CFAP97D1: variants seen among roughly 807,000 people sequenced by gnomAD.
CFAP97D1 encodes the protein CFAP97 domain containing 1.
In CFAP97D1, 15 loss-of-function variants were observed where a neutral mutation model predicts 20.5. That is an observed-to-expected ratio of 0.73 (90% CI 0.49 to 1.13). CFAP97D1 has a LOEUF of 1.13. Ranked by LOEUF, CFAP97D1 falls within the 50% of genes most tolerant of loss-of-function variation. CFAP97D1 has a pLI of 0.00. For synonymous variants in CFAP97D1, 58 were observed against 71.2 expected (o/e 0.82, Z 0.93); for missense variants, 168 against 202.9 (o/e 0.83, Z 1.04).
Position 43,783,847 on chromosome 17 carries a change from G to C in CFAP97D1, c.449G>C (p.Arg150Pro). The change falls in exon 5 of 6, where the codon CGC (arginine) becomes CCC (proline). Residue 150 changes from arginine to proline, a missense_variant. Coordinates refer to ENST00000449302, the MANE Select transcript of CFAP97D1 (RefSeq NM_001136483.3). ...TTTTTTTCCTTCAAGAATTCAAGGC[G>C]CTATATCAGAAATACCACGAGATAT... ...ASEIDWQNSR[R>P]YIRNTTRYLL... 1 of 1,549,910 alleles carries C rather than the reference G, an allele frequency of 6.5e-7. No homozygotes were observed. Among genetic ancestry groups the C allele is most frequent in the Non-Finnish European group, 8.7e-7 (1 of 1,146,548 alleles).
At position 43,784,512 on chromosome 17, in the gene CFAP97D1, G is replaced by T. The variant is rs543014121; in HGVS notation, c.*130G>T. On this transcript the variant is annotated 3_prime_UTR_variant, in exon 6 of 6. Transcript: ENST00000449302. ...CAATAAAGCTTGGAACATAAAATGC[G>T]TAAGTTACATTTAGGGGACCCAAAG... is the stretch of plus-strand genomic sequence containing the variant. 12 of 152,280 alleles carry T rather than the reference G, an allele frequency of 7.9e-5. No homozygotes were observed. The East Asian group carries it at 2.3e-3, about 29-fold the overall frequency. The allele number at this position is 152,280 out of a possible 1,614,324, so 9.4% of individuals were successfully genotyped here. A position where few individuals can be genotyped will look rare whatever the true frequency, so the allele number is the denominator to read the frequency against.
rs769288324 is a variant in CFAP97D1, at chr17:43,781,848, C to T, written c.270C>T (p.Arg90=). 81 of 1,551,216 alleles carry T rather than the reference C, an allele frequency of 5.2e-5. No individual in the cohort carries two copies. The highest frequency in any genetic ancestry group is 1.7e-4 in the Middle Eastern group (1 of 6,012). ...GTCAGAAAATCGCAAATGCCCATCG[C>T]GGCCCTGCCAAGGTGGATTGCTGGA... ...QLCQKIANAH[R]GPAKVDCWNE... is the part of the protein sequence containing the mutation. The change falls in exon 3 of 6, where the codon CGC becomes CGT. Residue 90 remains arginine (R), a synonymous_variant. Coordinates refer to ENST00000449302, the MANE Select transcript of CFAP97D1 (RefSeq NM_001136483.3).
chr17:43,780,714 G>T, intron 1 of CFAP97D1, 128 bp downstream of exon 1: 6 of 1,025,638 alleles, frequency 5.9e-6, no homozygotes, highest in Non-Finnish European at 8.5e-6. Flanking sequence ...TGAGTTTGGG[G>T]AAGAGGGCAT....
In CFAP97D1 at chr17:43,785,834, T is replaced by A. The variant is rs995990038; in HGVS notation, c.*1452T>A. The A allele has an allele frequency of 6.6e-6, 1 of 151,610 alleles. No homozygotes were observed. Among genetic ancestry groups the A allele is most frequent in the African/African-American group, 2.4e-5 (1 of 41,198 alleles). 9.4% of individuals were successfully genotyped at this position (151,610 alleles called of 1,614,324 possible). The stretch of plus-strand genomic sequence containing the variant: ...AACTGACATGGCACACTAGTGGGAG[T>A]GTCTTATGGAAAGCTGCTTCCACCC... On this transcript the variant is annotated 3_prime_UTR_variant, in exon 6 of 6. Transcript: ENST00000449302.
chr17:43,783,961 G>A (rs1974500901), intron 5 of CFAP97D1, 68 bp downstream of exon 5: 1 of 1,207,398 alleles, frequency 8.3e-7, no homozygotes, highest in East Asian at 2.6e-5. Flanking sequence ...CCCCATAAAT[G>A]GCGAATGAGG....
At chr17:43,783,409 T>C in intron 4 of CFAP97D1, 106 bp downstream of exon 4, 2 of 1,383,708 alleles carry the variant, frequency 1.4e-6, no homozygotes, top group Non-Finnish European at 2.0e-6. Flanking sequence ...TCAGATCACA[T>C]GAAATGTAAC....
In CFAP97D1 at chr17:43,785,802, A is replaced by T. The variant is rs1413591866; in HGVS notation, c.*1420A>T. The T allele has an allele frequency of 6.6e-6, 1 of 151,826 alleles. No individual in the cohort carries two copies. Among genetic ancestry groups the T allele is most frequent in the Non-Finnish European group, 1.5e-5 (1 of 67,798 alleles). 9.4% of individuals were successfully genotyped at this position (151,826 alleles called of 1,614,324 possible). A position where few individuals can be genotyped will look rare whatever the true frequency, so the allele number is the denominator to read the frequency against. ...GGTAACTCCTAGGTGTTGCTACGGT[A>T]ATGGTAAACTGACATGGCACACTAG... On this transcript the variant is annotated 3_prime_UTR_variant, in exon 6 of 6. Coordinates refer to ENST00000449302, the MANE Select transcript of CFAP97D1 (RefSeq NM_001136483.3).
rs1974478796 is a variant in CFAP97D1 at position 43,781,886 on chromosome 17, C to G, written c.308C>G (p.Ser103Cys). The change falls in exon 3 of 6, where the codon TCC becomes TGC. Residue 103 changes from serine to cysteine, a missense_variant. Ser to Cys is a moderately radical substitution (Grantham distance 112, BLOSUM62 -1). Coordinates refer to ENST00000449302, the MANE Select transcript of CFAP97D1 (RefSeq NM_001136483.3). Reference protein sequence around the residue: ...AKVDCWNEYFSKSLNRETRNR... With the variant: ...AKVDCWNEYFCKSLNRETRNR... ...GTGGATTGCTGGAATGAATATTTTT[C>G]CAAGAGGTAATGTTCTTTGTCTTCA... The G allele has an allele frequency of 6.5e-7, 1 of 1,542,902 alleles. No homozygotes were observed. Among genetic ancestry groups the G allele is most frequent in the Non-Finnish European group, 8.8e-7 (1 of 1,138,986 alleles).
Position 43,784,608 on chromosome 17 carries a change from T to C in CFAP97D1, c.*226T>C, listed in dbSNP as rs983372590. On this transcript the variant is annotated 3_prime_UTR_variant, in exon 6 of 6. Transcript: ENST00000449302. ...CAATGAGCATTTTTATTTGGGGCTATGAAAAGAAGTTTTAACGAGAGAGAG... is the reference window on the plus strand; with the variant it reads ...CAATGAGCATTTTTATTTGGGGCTACGAAAAGAAGTTTTAACGAGAGAGAG... 6.6e-6 allele frequency: 1 copy of C among 152,124 alleles called. No individual in the cohort carries two copies. Among genetic ancestry groups the C allele is most frequent in the South Asian group, 2.1e-4 (1 of 4,834 alleles). The allele number at this position is 152,124 out of a possible 1,614,324, so 9.4% of individuals were successfully genotyped here.
chr17:43,784,556 A>C lies in CFAP97D1; in HGVS notation c.*174A>C, dbSNP rs973071488. Reference sequence around the variant, plus strand: ...CCCAAAGGCTTTATGTTCTCATTCCAAAATGGGGCAGGCAGAAGGAAAGAT... The same window carrying C: ...CCCAAAGGCTTTATGTTCTCATTCCCAAATGGGGCAGGCAGAAGGAAAGAT... On this transcript the variant is annotated 3_prime_UTR_variant, in exon 6 of 6. Coordinates refer to ENST00000449302, the MANE Select transcript of CFAP97D1 (RefSeq NM_001136483.3). The C allele has an allele frequency of 1.3e-5, 2 of 152,232 alleles. No homozygotes were observed. Among genetic ancestry groups the C allele is most frequent in the Admixed American group, 6.5e-5 (1 of 15,278 alleles). The allele number at this position is 152,232 out of a possible 1,614,324, so 9.4% of individuals were successfully genotyped here. A position where few individuals can be genotyped will look rare whatever the true frequency, so the allele number is the denominator to read the frequency against.
chr17:43,783,215 G>T lies in CFAP97D1; in HGVS notation c.350G>T (p.Arg117Ile), dbSNP rs1470233635. The T allele has an allele frequency of 3.9e-6, 6 of 1,551,386 alleles. No individual in the cohort carries two copies. In the Admixed American group the frequency reaches 5.9e-5, roughly 15 times the overall value. ...GAAACAAGGAACCGCGAGCTAGTGA[G>T]AATCACCATGGAAAACCAGGGCATT... ...NRETRNRELV[R>I]ITMENQGILK... The change falls in exon 4 of 6, where the codon AGA becomes ATA. Residue 117 changes from arginine to isoleucine, a missense_variant. Coordinates refer to ENST00000449302, the MANE Select transcript of CFAP97D1 (RefSeq NM_001136483.3).
chr17:43,781,517 A>G (rs1974473505), intron 2 of CFAP97D1, among the ~76,000 whole-genome samples: 1 of 152,114 alleles, frequency 6.6e-6, no homozygotes, highest in South Asian at 2.1e-4. Flanking sequence ...TTTTTAGTAG[A>G]GACAGGGGTT....
At chr17:43,783,155 C>A in intron 3 of CFAP97D1, 25 bp from the exon 4 acceptor site, 1 of 1,551,404 alleles carries the variant, frequency 6.4e-7, no homozygotes, top group South Asian at 1.2e-5. Flanking sequence ...CTTCTTCACC[C>A]ATTTCGGGGT....
rs1163680375 is a variant in CFAP97D1 at position 43,781,715 on chromosome 17, T to C, written c.196-59T>C. On this transcript the variant is annotated intron_variant, in intron 2 of 5. Transcript: ENST00000449302. ...CTCAGAGGAGGGGAACACTAAGTCATTGTGTGTTGGGGCAGTGCACTGATG... is the reference window on the plus strand; with the variant it reads ...CTCAGAGGAGGGGAACACTAAGTCACTGTGTGTTGGGGCAGTGCACTGATG... 4 of 1,061,404 alleles carry C rather than the reference T, an allele frequency of 3.8e-6. 1 individual carries two copies. The African/African-American group carries it at 4.7e-5, about 13-fold the overall frequency. The allele number at this position is 1,061,404 out of a possible 1,614,324, so 65.7% of individuals were successfully genotyped here. A position where few individuals can be genotyped will look rare whatever the true frequency, so the allele number is the denominator to read the frequency against.
chr17:43,781,733 C>A, intron 2 of CFAP97D1, 41 bp from the exon 3 acceptor site: 1 of 1,266,656 alleles, frequency 7.9e-7, no homozygotes, highest in Non-Finnish European at 1.1e-6. Context: ...TGGGGCAGTG[C>A]ACTGATGGTG....
intron 4 of CFAP97D1, 55 bp downstream of exon 4, chr17:43,783,358 AG>A: frequency 1.3e-6 from 2 of 1,537,336 alleles, no homozygotes; most frequent in South Asian, 2.4e-5. Flanking sequence ...GTCGGTGTTC[AG>A]CCTAGAGAGA....
In CFAP97D1 at chr17:43,781,847, G is replaced by A. The variant is rs1208156409; in HGVS notation, c.269G>A (p.Arg90His). ...TGTCAGAAAATCGCAAATGCCCATCGCGGCCCTGCCAAGGTGGATTGCTGG... is the reference window on the plus strand; with the variant it reads ...TGTCAGAAAATCGCAAATGCCCATCACGGCCCTGCCAAGGTGGATTGCTGG... ...QLCQKIANAHRGPAKVDCWNE... is the reference protein window; with the variant it reads ...QLCQKIANAHHGPAKVDCWNE... Residue 90 changes from arginine (R) to histidine (H), a missense_variant, in exon 3 of 6, where the codon CGC (arginine) becomes CAC (histidine). Physicochemically the swap from Arg to His is conservative, Grantham distance 29 (BLOSUM62 0). Coordinates refer to ENST00000449302, the MANE Select transcript of CFAP97D1 (RefSeq NM_001136483.3). 1.9e-6 allele frequency: 3 copies of A among 1,551,490 alleles called. No individual in the cohort carries two copies. The highest frequency in any genetic ancestry group is 2.4e-5 in the East Asian group (1 of 40,914).
At chr17:43,780,646 A>G in intron 1 of CFAP97D1, 60 bp downstream of exon 1, 1 of 1,537,864 alleles carries the variant, frequency 6.5e-7, no homozygotes, top group Non-Finnish European at 8.8e-7. Context: ...TACCCCATAA[A>G]GAGATCAACA....
chr17:43,781,097 C>T, intron 1 of CFAP97D1, 22 bp from the exon 2 acceptor site: 2 of 1,531,600 alleles, frequency 1.3e-6, no homozygotes, highest in Non-Finnish European at 1.8e-6. Context: ...TAACATTGTT[C>T]CCTTTTATCC....
Sources: allele counts gnomAD v4.1 joint callset (sites outside exome capture counted in the v4.1 genomes callset), GRCh38; gene constraint gnomAD v4.1.1; transcripts MANE v1.5; gene names NCBI Gene and HGNC (gene_info 2026-07-23, HGNC 2026-07-21).